Variants in CCNT2 observed in about 807,000 individuals in gnomAD.
CCNT2 encodes the protein cyclin T2, also known as cyclin-T2.
A neutral mutation model predicts 70.0 loss-of-function variants in CCNT2; 18 were observed. The ratio of observed to expected loss-of-function variants is 0.26; its 90% CI spans 0.18 to 0.38. The LOEUF (loss-of-function observed/expected upper bound fraction) is 0.38, where lower values mean the gene tolerates loss of function less well. CCNT2 is among the 10% of genes least tolerant of loss of function. CCNT2 has a pLI of 1.00. For missense variants in CCNT2, 734 were observed against 890.2 expected, an observed-to-expected ratio of 0.82 and a Z score of 2.23; for synonymous variants, 334 against 313.3, an observed-to-expected ratio of 1.07 and a Z score of -0.70.
At chr2:134,919,080 G>A in intron 1 of CCNT2, 68 bp downstream of exon 1, 2 of 1,492,888 alleles carry the variant, frequency 1.3e-6, no homozygotes, top group Non-Finnish European at 1.8e-6. Context: ...CTGGTGCCCC[G>A]CGAACATGGC....
chr2:134,950,105 G>C (rs989340797), intron 7 of CCNT2, among the ~76,000 whole-genome samples: 2 of 152,046 alleles, frequency 1.3e-5, no homozygotes, highest in African/African-American at 4.8e-5. Context: ...AGGCATAATC[G>C]TAATAAAAAT....
At chr2:134,946,208 G>C in intron 6 of CCNT2, 62 bp downstream of exon 6, 2 of 1,563,552 alleles carry the variant, frequency 1.3e-6, no homozygotes. Flanking sequence ...TTTAATGCAG[G>C]GCCCCCTCAA....
Position 134,918,874 on chromosome 2 carries a change from C to G in CCNT2, c.20C>G (p.Ala7Gly), listed in dbSNP as rs1390494620. The change falls in exon 1 of 9, where the codon GCT (alanine) becomes GGT (glycine). Residue 7 changes from alanine (A) to glycine (G), a missense_variant. Physicochemically the swap from Ala to Gly is moderately conservative, Grantham distance 60. Transcript: ENST00000264157. ...AGTGTCATGGCGTCGGGCCGTGGAG[C>G]TTCTTCTCGCTGGTTCTTTACTCGG... MASGRG[A>G]SSRWFFTREQ... The G allele has an allele frequency of 1.9e-6, 3 of 1,613,542 alleles. No homozygotes were observed. Among genetic ancestry groups the G allele is most frequent in the Non-Finnish European group, 2.5e-6 (3 of 1,179,712 alleles).
At chr2:134,944,651 C>T in intron 5 of CCNT2, 1 of 981,856 alleles carries the variant, frequency 1.0e-6, no homozygotes, top group Non-Finnish European at 1.2e-6. Context: ...TCTTTGAGTA[C>T]AAACCATATA....
In CCNT2 at chr2:134,953,917, A is replaced by T. The variant is rs778560097; in HGVS notation, c.1462A>T (p.Ile488Phe). Residue 488 changes from isoleucine (I) to phenylalanine (F), a missense_variant, in exon 9 of 9, where the codon ATC becomes TTC. This residue lies in a region of CCNT2 where 532 missense variants were observed against 556.9 expected (regional missense o/e 0.96). Transcript: ENST00000264157. ...TTCTCCCATTAAAATGAAAATACCT[A>T]TCGCAAATACTGAAAAATACATGGC... ...VTSPIKMKIP[I>F]ANTEKYMADK... 6.2e-7 allele frequency: 1 copy of T among 1,613,876 alleles called. No individual in the cohort carries two copies. The highest frequency in any genetic ancestry group is 1.3e-5 in the African/African-American group (1 of 74,882).
intron 4 of CCNT2, among the ~76,000 whole-genome samples, chr2:134,940,987 C>T (rs1681541440): frequency 6.6e-6 from 1 of 152,134 alleles, no homozygotes; most frequent in Non-Finnish European, 1.5e-5. Context: ...TGCAGCTATA[C>T]CAGCAGGCAC....
intron 7 of CCNT2, among the ~76,000 whole-genome samples, chr2:134,949,804 G>A (rs917619749): frequency 7.3e-6 from 1 of 137,612 alleles, no homozygotes; most frequent in South Asian, 2.5e-4. Context: ...TTTTTTTTCG[G>A]GGGGGGGGTG....
At chr2:134,945,141 C>A in intron 5 of CCNT2, 7 of 985,410 alleles carry the variant, frequency 7.1e-6, no homozygotes, top group Non-Finnish European at 8.4e-6. Context: ...TCTGCTAAAC[C>A]CCAATCCCTT....
Position 134,918,824 on chromosome 2 carries a change from G to A in CCNT2, c.-31G>A, listed in dbSNP as rs758222548. 6.2e-7 allele frequency: 1 copy of A among 1,600,336 alleles called. No homozygotes were observed. Among genetic ancestry groups the A allele is most frequent in the Admixed American group, 1.7e-5 (1 of 59,020 alleles). On this transcript the variant is annotated 5_prime_UTR_variant, in exon 1 of 9. Transcript: ENST00000264157. ...CCGCGAGCCAGGAGGGGCGGGGGGT[G>A]AATGAAGGAGCGGGCGGAGGAGGAA...
rs1168661757 is a variant in CCNT2, at chr2:134,954,343, C to T, written c.1888C>T (p.His630Tyr). Residue 630 changes from histidine (H) to tyrosine (Y), a missense_variant, in exon 9 of 9, where the codon CAC becomes TAC. His to Tyr is a moderately conservative substitution (Grantham distance 83). Around this residue, in one of 3 missense-constraint regions of CCNT2, gnomAD observed 532 missense variants for 556.9 expected, o/e 0.96. Transcript: ENST00000264157. ...RLHVNDASHN[H>Y]HSKMSKSSKS... ...GCATGTCAATGATGCATCTCACAAC[C>T]ACCACTCCAAAATGAGCAAAAGTTC... 1 of 1,614,206 alleles carries T rather than the reference C, an allele frequency of 6.2e-7. No homozygotes were observed. Among genetic ancestry groups the T allele is most frequent in the Admixed American group, 1.7e-5 (1 of 60,028 alleles).
In CCNT2 at chr2:134,957,061, G is replaced by T. The variant is rs1682972403; in HGVS notation, c.*2413G>T. The T allele has an allele frequency of 6.6e-6, 1 of 152,564 alleles. No individual in the cohort carries two copies. The highest frequency in any genetic ancestry group is 6.5e-5 in the Admixed American group (1 of 15,270). 9.5% of individuals were successfully genotyped at this position (152,564 alleles called of 1,614,324 possible). A position where few individuals can be genotyped will look rare whatever the true frequency, so the allele number is the denominator to read the frequency against. ...TCAAACTCTTCAACCCCTGAACAGG[G>T]TATTAAGCTTCCAAAATAATGATGG... On this transcript the variant is annotated 3_prime_UTR_variant, in exon 9 of 9. Coordinates refer to ENST00000264157, the MANE Select transcript of CCNT2 (RefSeq NM_058241.3).
At chr2:134,936,197 C>A (rs1417243663) in intron 2 of CCNT2, among the ~76,000 whole-genome samples, 1 of 117,160 alleles carries the variant, frequency 8.5e-6, no homozygotes, top group Non-Finnish European at 1.9e-5. Flanking sequence ...TGCTTATTTT[C>A]TTCTTTGCCT....
At chr2:134,935,474 C>G (rs182345366) in intron 2 of CCNT2, among the ~76,000 whole-genome samples, 27 of 152,330 alleles carry the variant, frequency 1.8e-4, no homozygotes, top group African/African-American at 6.3e-4. Context: ...CACTGTCCCT[C>G]TGTCAGAAAT....
intron 5 of CCNT2, 142 bp downstream of exon 5, chr2:134,942,816 T>G (rs1681670689): frequency 1.4e-6 from 2 of 1,409,106 alleles, no homozygotes; most frequent in Non-Finnish European, 1.9e-6. Flanking sequence ...GCATTACTTT[T>G]TAGTGTTCTA....
intron 2 of CCNT2, among the ~76,000 whole-genome samples, chr2:134,931,260 A>ATTTTTTTTTTTTTTTTTTT (rs1351628226): frequency 1.9e-4 from 8 of 42,930 alleles, no homozygotes; most frequent in African/African-American, 2.9e-4. Flanking sequence ...CCATGCCCGG[A>ATTTTTTTTTTTTTTTTTTT]TCTTTTTTTT....
intron 4 of CCNT2, among the ~76,000 whole-genome samples, chr2:134,941,173 G>A (rs1681553406): frequency 6.6e-6 from 1 of 152,168 alleles, no homozygotes; most frequent in Admixed American, 6.5e-5. Context: ...AAATTGTGGT[G>A]TATTTCTGTA....
In CCNT2 at chr2:134,950,607, A is replaced by G. The variant is rs1682421777; in HGVS notation, c.704-2034A>G. On this transcript the variant is annotated intron_variant, in intron 7 of 8. Transcript: ENST00000264157. Reference sequence around the variant, plus strand: ...AGCTGTGATAATGCTACTGCTCTCCAGCCTGGGCAACAGAGGAAACCCTGT... The same window carrying G: ...AGCTGTGATAATGCTACTGCTCTCCGGCCTGGGCAACAGAGGAAACCCTGT... 2.0e-5 allele frequency among the ~76,000 whole-genome samples: 3 copies of G among 152,196 alleles called. No individual in the cohort carries two copies. The South Asian group carries it at 6.2e-4, about 32-fold the overall frequency.
Position 134,954,033 on chromosome 2 carries a change from A to G in CCNT2, c.1578A>G (p.Lys526=), listed in dbSNP as rs745320414. The change falls in exon 9 of 9, where the codon AAA becomes AAG. Residue 526 remains lysine, a synonymous_variant. Coordinates refer to ENST00000264157, the MANE Select transcript of CCNT2 (RefSeq NM_058241.3). ...KSASKEELKM[K]IKVSSSERHS... ...CCAGTAAAGAAGAACTGAAAATGAA[A>G]ATAAAAGTTTCTTCTTCAGAAAGAC... The G allele has an allele frequency of 1.2e-6, 2 of 1,614,172 alleles. 1 individual carries two copies. Among genetic ancestry groups the G allele is most frequent in the South Asian group, 2.2e-5 (2 of 91,086 alleles).
At chr2:134,935,030 T>A (rs919018359) in intron 2 of CCNT2, among the ~76,000 whole-genome samples, 4 of 152,214 alleles carry the variant, frequency 2.6e-5, no homozygotes, top group African/African-American at 7.2e-5. Context: ...ATACTTTGAA[T>A]TTAATATTAG....
Sources: allele counts gnomAD v4.1 joint callset (sites outside exome capture counted in the v4.1 genomes callset), GRCh38; gene constraint gnomAD v4.1.1; regional missense constraint gnomAD v4.1.1; transcripts MANE v1.5; gene names NCBI Gene and HGNC (gene_info 2026-07-23, HGNC 2026-07-21).